The following GBE1 variants were observed in gnomAD, a reference collection of about 807,000 sequenced individuals.
The protein encoded by GBE1 is 1,4-alpha-glucan branching enzyme 1, also known as 1,4-alpha-glucan-branching enzyme.
Under a neutral mutation model 88.8 loss-of-function variants are expected in GBE1, and 70 were observed. That is an observed-to-expected ratio of 0.79 (90% CI 0.65 to 0.96). GBE1 has a LOEUF of 0.96. Among genes scored for constraint, GBE1 ranks in the 40% least tolerant of loss-of-function variants. GBE1 has a pLI of 0.00. For synonymous variants in GBE1, 284 were observed against 300.1 expected (o/e 0.95, Z 0.56); for missense variants, 872 against 871.0 (o/e 1.00, Z -0.01).
At chr3:81,550,753 C>G (rs766520784) in intron 12 of GBE1, among the ~76,000 whole-genome samples, 2 of 152,150 alleles carry the variant, frequency 1.3e-5, no homozygotes, top group African/African-American at 2.4e-5. Flanking sequence ...TCTACAAATG[C>G]CATGGCAACG....
chr3:81,680,339 A>G (rs1362994746), intron 2 of GBE1, among the ~76,000 whole-genome samples: 1 of 151,926 alleles, frequency 6.6e-6, no homozygotes, highest in Non-Finnish European at 1.5e-5. Flanking sequence ...TAAAAATGCA[A>G]AAACAAAATT....
At chr3:81,720,167 G>A (rs1241442607) in intron 1 of GBE1, among the ~76,000 whole-genome samples, 1 of 151,992 alleles carries the variant, frequency 6.6e-6, no homozygotes, top group African/African-American at 2.4e-5. Flanking sequence ...AATTCTGTCA[G>A]GCACAAAACT....
At chr3:81,572,920 C>G (rs923206923) in intron 12 of GBE1, among the ~76,000 whole-genome samples, 6 of 152,118 alleles carry the variant, frequency 3.9e-5, no homozygotes, top group Non-Finnish European at 7.3e-5. Context: ...TGACTCTACT[C>G]CCTCTGCCTC....
At chr3:81,571,369 T>C (rs1319877389) in intron 12 of GBE1, among the ~76,000 whole-genome samples, 1 of 152,224 alleles carries the variant, frequency 6.6e-6, no homozygotes, top group Non-Finnish European at 1.5e-5. Context: ...TGTGTTAACA[T>C]CTCATGTCAT....
intron 14 of GBE1, among the ~76,000 whole-genome samples, chr3:81,530,505 T>C (rs1037257833): frequency 3.3e-5 from 5 of 151,970 alleles, no homozygotes; most frequent in African/African-American, 1.2e-4. Flanking sequence ...ACTTGGGTGT[T>C]GTGATCTAAG....
intron 7 of GBE1, among the ~76,000 whole-genome samples, chr3:81,631,378 C>T (rs143862916): frequency 3.5e-4 from 53 of 152,136 alleles, no homozygotes; most frequent in Middle Eastern, 6.8e-3. Context: ...AAAATCTACA[C>T]AGTAATCCCT....
intron 14 of GBE1, among the ~76,000 whole-genome samples, chr3:81,523,042 T>C (rs935476431): frequency 6.6e-6 from 1 of 151,412 alleles, no homozygotes; most frequent in Non-Finnish European, 1.5e-5. Context: ...CCAATTTGTG[T>C]CAAGATTTTC....
chr3:81,524,682 A>G (rs375242553), intron 14 of GBE1, among the ~76,000 whole-genome samples: 1 of 151,688 alleles, frequency 6.6e-6, no homozygotes, highest in Non-Finnish European at 1.5e-5. Context: ...TCCCCATTGT[A>G]TGTTCTTGGC....
intron 1 of GBE1, among the ~76,000 whole-genome samples, chr3:81,719,211 T>C (rs1705985403): frequency 3.3e-5 from 5 of 152,118 alleles, no homozygotes; most frequent in Admixed American, 3.3e-4. Context: ...TTCGGTTTTT[T>C]TGTTCGTTTG....
At chr3:81,566,732 C>A (rs1238719277) in intron 12 of GBE1, among the ~76,000 whole-genome samples, 2 of 152,128 alleles carry the variant, frequency 1.3e-5, no homozygotes, top group African/African-American at 4.8e-5. Context: ...ATTTTTTCAT[C>A]TTCACAAAAC....
In GBE1 at chr3:81,649,836, T is replaced by G; in HGVS notation, c.515A>C (p.Asn172Thr). Residue 172 changes from asparagine to threonine, a missense_variant, in exon 4 of 16, where the codon AAT (asparagine) becomes ACT (threonine). Physicochemically the swap from Asn to Thr is moderately conservative, Grantham distance 65. Transcript: ENST00000429644. ...KYVVREGDNV[N>T]YDWIHWDPEH... ...TGGATCCCAGTGTATCCAATCATAA[T>G]TCACATTATCACCTTCACGAACCAC... 6.2e-7 allele frequency: 1 copy of G among 1,611,976 alleles called. No individual in the cohort carries two copies. The highest frequency in any genetic ancestry group is 1.1e-5 in the South Asian group (1 of 90,932).
At chr3:81,672,037 G>A (rs1028082456) in intron 2 of GBE1, among the ~76,000 whole-genome samples, 3 of 151,950 alleles carry the variant, frequency 2.0e-5, no homozygotes, top group Admixed American at 2.0e-4. Context: ...CAATAAACAT[G>A]TAATGATACT....
intron 14 of GBE1, among the ~76,000 whole-genome samples, chr3:81,503,036 C>A (rs1345433938): frequency 6.6e-6 from 1 of 152,136 alleles, no homozygotes; most frequent in Non-Finnish European, 1.5e-5. Flanking sequence ...AACTTTGAAA[C>A]TGATATTCAG....
chr3:81,494,498 T>C (rs899344745), intron 15 of GBE1, among the ~76,000 whole-genome samples: 2 of 152,180 alleles, frequency 1.3e-5, no homozygotes, highest in South Asian at 4.1e-4. Flanking sequence ...TATTTAAATA[T>C]AAAAAGTATA....
chr3:81,761,414 T>C lies in GBE1; in HGVS notation c.104A>G (p.Asp35Gly). ...CACGGCGTAGGGCTTCAAGTACGGG[T>C]CGATCTCCAGGAGTCTGGCCAGTTC... ...VPELARLLEIDPYLKPYAVDF... is the reference protein window; with the variant it reads ...VPELARLLEIGPYLKPYAVDF... The change falls in exon 1 of 16, where the codon GAC becomes GGC. Residue 35 changes from aspartate to glycine, a missense_variant. Transcript: ENST00000429644. The C allele has an allele frequency of 6.2e-7, 1 of 1,613,268 alleles. No individual in the cohort carries two copies. Among genetic ancestry groups the C allele is most frequent in the Non-Finnish European group, 8.5e-7 (1 of 1,179,472 alleles).
At chr3:81,600,044 C>G (rs1172589147) in intron 7 of GBE1, among the ~76,000 whole-genome samples, 2 of 152,082 alleles carry the variant, frequency 1.3e-5, no homozygotes, top group Admixed American at 6.6e-5. Flanking sequence ...GAGGCCAAGG[C>G]GGGTGGATCA....
In GBE1 at chr3:81,581,147, A is replaced by T; in HGVS notation, c.1446+18T>A. The T allele has an allele frequency of 7.3e-7, 1 of 1,378,452 alleles. No individual in the cohort carries two copies. Among genetic ancestry groups the T allele is most frequent in the Non-Finnish European group, 1.0e-6 (1 of 973,530 alleles). The allele number at this position is 1,378,452 out of a possible 1,614,324, so 85.4% of individuals were successfully genotyped here. A position where few individuals can be genotyped will look rare whatever the true frequency, so the allele number is the denominator to read the frequency against. ...GAGAGAGAGAGAAATAAATGAATTT[A>T]TGCACATATTCATTTACCTGATCAT... On this transcript the variant is annotated intron_variant, in intron 11 of 15. Coordinates refer to ENST00000429644, the MANE Select transcript of GBE1 (RefSeq NM_000158.4).
intron 7 of GBE1, among the ~76,000 whole-genome samples, chr3:81,637,672 G>GA (rs1359999172): frequency 6.6e-6 from 1 of 151,888 alleles, no homozygotes. Context: ...AGTAGTGTAT[G>GA]ACTTAAAAAT....
intron 1 of GBE1, among the ~76,000 whole-genome samples, chr3:81,736,289 A>G: frequency 6.6e-6 from 1 of 152,192 alleles, no homozygotes; most frequent in East Asian, 1.9e-4. Flanking sequence ...CTGCACAGCT[A>G]GAAACGTTAA....
Sources: allele counts gnomAD v4.1 joint callset (sites outside exome capture counted in the v4.1 genomes callset), GRCh38; gene constraint gnomAD v4.1.1; transcripts MANE v1.5; gene names NCBI Gene and HGNC (gene_info 2026-07-23, HGNC 2026-07-21).